Variants in ITPR1 observed in about 807,000 individuals in gnomAD.
ITPR1 encodes inositol 1,4,5-trisphosphate receptor type 1, also known as inositol 1,4,5-trisphosphate-gated calcium channel ITPR1.
A neutral mutation model predicts 318.4 loss-of-function variants in ITPR1; 96 were observed. The observed-to-expected ratio is 0.30, with a 90% CI of 0.26 to 0.36. ITPR1 has a LOEUF of 0.36. Ranked by LOEUF, ITPR1 falls within the 10% of genes least tolerant of loss-of-function variation. The probability of loss-of-function intolerance (pLI) is 1.00; values close to 1 mark genes in which losing one functional copy is unlikely to be tolerated. For missense variants in ITPR1, 2,440 were observed against 3,460.2 expected (o/e 0.71, Z 7.40); for synonymous variants, 1,312 against 1,289.9 (o/e 1.02, Z -0.37).
At chr3:4,729,960 T>G (rs1171116969) in intron 42 of ITPR1, among the ~76,000 whole-genome samples, 2 of 151,924 alleles carry the variant, frequency 1.3e-5, no homozygotes, top group Non-Finnish European at 2.9e-5. Context: ...GCAATCAGAT[T>G]TCTCAGCCTG....
chr3:4,746,597 G>A (rs928416126), intron 44 of ITPR1, among the ~76,000 whole-genome samples: 1 of 152,186 alleles, frequency 6.6e-6, no homozygotes, highest in Admixed American at 6.5e-5. Context: ...ACTTCAACTG[G>A]AGCTTGACTG....
At chr3:4,843,728 G>C (rs1476334570) in intron 61 of ITPR1, among the ~76,000 whole-genome samples, 1 of 152,218 alleles carries the variant, frequency 6.6e-6, no homozygotes, top group African/African-American at 2.4e-5. Flanking sequence ...CTTAAGGATA[G>C]GGACGGAGGG....
chr3:4,687,515 C>T (rs1022903186), intron 30 of ITPR1, among the ~76,000 whole-genome samples: 1 of 152,114 alleles, frequency 6.6e-6, no homozygotes, highest in African/African-American at 2.4e-5. Flanking sequence ...ACCTGCATTC[C>T]TACCTGCTAT....
chr3:4,733,059 G>A (rs2043038056), intron 42 of ITPR1, 29 bp from the exon 43 acceptor site: 2 of 1,603,730 alleles, frequency 1.2e-6, no homozygotes, highest in African/African-American at 1.3e-5. Context: ...AAATGCAGAA[G>A]CTGATTTTAT....
intron 4 of ITPR1, among the ~76,000 whole-genome samples, chr3:4,548,574 T>C (rs2085254206): frequency 6.6e-6 from 1 of 152,168 alleles, no homozygotes; most frequent in South Asian, 2.1e-4. Flanking sequence ...ATGAATGAAC[T>C]CTTTGTCCTG....
At position 4,579,185 on chromosome 3, in the gene ITPR1, TTTC is replaced by T. The variant is rs145871378; in HGVS notation, c.164-48570_164-48568del. ...ATTACTTAACCTCTTCCAGCTGCAATTTCTTCTTCTAAAAGATGTGTCGTTGTG... is the reference window on the plus strand; with the variant it reads ...ATTACTTAACCTCTTCCAGCTGCAATTTCTTCTAAAAGATGTGTCGTTGTG... On this transcript the variant is annotated intron_variant, in intron 4 of 61. Coordinates refer to ENST00000649015, the MANE Select transcript of ITPR1 (RefSeq NM_001378452.1). Among the ~76,000 whole-genome samples, 967 of 152,302 alleles carry T rather than the reference TTTC, an allele frequency of 6.3e-3. 4 individuals are homozygous for T. Among genetic ancestry groups the T allele is most frequent in the African/African-American group, 0.022 (897 of 41,552 alleles).
chr3:4,656,968 G>T (rs1048893913), intron 12 of ITPR1, among the ~76,000 whole-genome samples: 1 of 152,188 alleles, frequency 6.6e-6, no homozygotes, highest in African/African-American at 2.4e-5. Context: ...AATATCTGTA[G>T]GCAGATGGGC....
At chr3:4,510,170 C>G (rs1229823431) in intron 2 of ITPR1, among the ~76,000 whole-genome samples, 1 of 152,052 alleles carries the variant, frequency 6.6e-6, no homozygotes, top group Non-Finnish European at 1.5e-5. Flanking sequence ...GGAGATGTCT[C>G]AGGCTGAGAG....
intron 10 of ITPR1, among the ~76,000 whole-genome samples, chr3:4,650,631 G>GTGTGTGTT (rs2093573174): frequency 7.0e-6 from 1 of 142,942 alleles, no homozygotes; most frequent in Admixed American, 6.9e-5. Flanking sequence ...GTGTGTGTGT[G>GTGTGTGTT]TGTGTGTGTG....
At chr3:4,628,201 C>T (rs1284292055) in intron 5 of ITPR1, among the ~76,000 whole-genome samples, 1 of 152,138 alleles carries the variant, frequency 6.6e-6, no homozygotes, top group Admixed American at 6.5e-5. Context: ...AACTGGTGCT[C>T]TTGGGCACGT....
At position 4,583,871 on chromosome 3, in the gene ITPR1, T is replaced by C. The variant is rs148652441; in HGVS notation, c.164-43892T>C. On this transcript the variant is annotated intron_variant, in intron 4 of 61. Transcript: ENST00000649015. The stretch of plus-strand genomic sequence containing the variant: ...ATGTACCCCTCACTAATGAGATGTT[T>C]ACACATCAGATACATAGTTCAATGT... Among the ~76,000 whole-genome samples the C allele has an allele frequency of 4.7e-3, 716 of 152,282 alleles. 6 individuals are homozygous for C. The highest frequency in any genetic ancestry group is 0.016 in the African/African-American group (676 of 41,538).
intron 60 of ITPR1, among the ~76,000 whole-genome samples, chr3:4,829,387 G>A (rs1215377492): frequency 6.6e-6 from 1 of 152,150 alleles, no homozygotes; most frequent in Non-Finnish European, 1.5e-5. Context: ...AAAGAGAACT[G>A]AATTCCTTGA....
intron 60 of ITPR1, among the ~76,000 whole-genome samples, chr3:4,834,521 G>A (rs78642194): frequency 0.035 from 5,396 of 152,194 alleles, 327 homozygotes; most frequent in African/African-American, 0.12. Flanking sequence ...CCCAGCCCAC[G>A]TCATCCCTCC....
chr3:4,748,472 T>C (rs546990750), intron 44 of ITPR1, among the ~76,000 whole-genome samples: 2 of 152,104 alleles, frequency 1.3e-5, no homozygotes, highest in East Asian at 3.9e-4. Flanking sequence ...ATGCATGAGC[T>C]TTTCCTTAAT....
At chr3:4,842,882 C>T (rs1242523570) in intron 61 of ITPR1, among the ~76,000 whole-genome samples, 1 of 151,970 alleles carries the variant, frequency 6.6e-6, no homozygotes, top group Non-Finnish European at 1.5e-5. Context: ...ATAATGATGC[C>T]TTATAACAAG....
At chr3:4,551,660 A>G (rs938672603) in intron 4 of ITPR1, among the ~76,000 whole-genome samples, 6 of 152,218 alleles carry the variant, frequency 3.9e-5, no homozygotes, top group Admixed American at 2.6e-4. Context: ...AACCCTCACT[A>G]TATTTACAGC....
intron 4 of ITPR1, among the ~76,000 whole-genome samples, chr3:4,552,810 C>G (rs1011973574): frequency 6.6e-6 from 1 of 152,130 alleles, no homozygotes; most frequent in South Asian, 2.1e-4. Context: ...CTAGAAGCTG[C>G]CTGGGGGCTG....
intron 4 of ITPR1, among the ~76,000 whole-genome samples, chr3:4,613,979 A>T (rs967984630): frequency 2.0e-5 from 3 of 152,164 alleles, no homozygotes; most frequent in Non-Finnish European, 2.9e-5. Flanking sequence ...TCTACCCCTG[A>T]CAGAGATAAC....
chr3:4,745,566 G>A (rs1337494804), intron 44 of ITPR1, among the ~76,000 whole-genome samples: 2 of 152,138 alleles, frequency 1.3e-5, no homozygotes, highest in African/African-American at 4.8e-5. Context: ...GGCATATACG[G>A]TTGACCTTAA....
Sources: gnomAD v4.1 joint callset for allele counts (sites outside exome capture counted in the v4.1 genomes callset) on GRCh38, gnomAD v4.1.1 for gene constraint, MANE v1.5 for transcripts, NCBI Gene and HGNC (gene_info 2026-07-23, HGNC 2026-07-21) for gene names.